The following CPLANE1 variants were observed in gnomAD, a reference collection of about 807,000 sequenced individuals.
CPLANE1 encodes ciliogenesis and planar polarity effector complex subunit 1.
CPLANE1 carries 263 observed loss-of-function variants against 362.5 expected under a neutral mutation model. The ratio of observed to expected loss-of-function variants is 0.73; its 90% CI spans 0.66 to 0.80. The LOEUF is 0.80. Among genes scored for constraint, CPLANE1 ranks in the 30% least tolerant of loss-of-function variants. The pLI is 0.00. For missense variants in CPLANE1, 3,461 were observed against 3,793.4 expected, an observed-to-expected ratio of 0.91 and a Z score of 2.30; for synonymous variants, 1,212 against 1,302.6, an observed-to-expected ratio of 0.93 and a Z score of 1.50.
rs569091312 is a variant in CPLANE1, at chr5:37,168,912, A to G, written c.7112T>C (p.Met2371Thr). The G allele has an allele frequency of 3.1e-6, 5 of 1,614,196 alleles. No homozygotes were observed. Among genetic ancestry groups the G allele is most frequent in the South Asian group, 1.1e-5 (1 of 91,088 alleles). ...AGATGCTCTTGAGGTTGATGGAAAC[A>G]TATTAGGAGGTTTAAGTGGCAGGTA... is the stretch of plus-strand genomic sequence containing the variant. ...LLYLPLKPPN[M>T]FPSTSRASIT... The change falls in exon 34 of 53, where the codon ATG (methionine) becomes ACG (threonine). Residue 2371 changes from methionine to threonine, a missense_variant. Coordinates refer to ENST00000651892, the MANE Select transcript of CPLANE1 (RefSeq NM_001384732.1).
At position 37,225,842 on chromosome 5, in the gene CPLANE1, T is replaced by C. The variant is rs996240969; in HGVS notation, c.2291+462A>G. On this transcript the variant is annotated intron_variant, in intron 12 of 52. Coordinates refer to ENST00000651892, the MANE Select transcript of CPLANE1 (RefSeq NM_001384732.1). ...CACTCCAGCCTGGGGGACAAGAGTGTACTCCATCTCAAAAAAAAAAAAAAA... is the reference window on the plus strand; with the variant it reads ...CACTCCAGCCTGGGGGACAAGAGTGCACTCCATCTCAAAAAAAAAAAAAAA... Among the ~76,000 whole-genome samples, 15 of 119,486 alleles carry C rather than the reference T, an allele frequency of 1.3e-4. No individual in the cohort carries two copies. In the Admixed American group the frequency reaches 1.3e-3, roughly 11 times the overall value. The allele number at this position is 119,486 out of a possible 152,430, so 78.4% of individuals were successfully genotyped here. A position where few individuals can be genotyped will look rare whatever the true frequency, so the allele number is the denominator to read the frequency against.
chr5:37,185,935 G>A (rs771612623), intron 24 of CPLANE1, among the ~76,000 whole-genome samples: 2 of 152,164 alleles, frequency 1.3e-5, no homozygotes, highest in Admixed American at 6.5e-5. Context: ...AGTACCATAT[G>A]CTCATTTTAT....
chr5:37,102,739 G>T (rs189731189), downstream of CPLANE1, among the ~76,000 whole-genome samples: 408 of 152,220 alleles, frequency 2.7e-3, 2 homozygotes, highest in African/African-American at 9.4e-3. Flanking sequence ...TCTTAATCTT[G>T]AGTTCTAACT....
chr5:37,108,423 C>T lies in CPLANE1; in HGVS notation c.9449G>A (p.Ser3150Asn). 1 of 1,614,196 alleles carries T rather than the reference C, an allele frequency of 6.2e-7. No individual in the cohort carries two copies. Among genetic ancestry groups the T allele is most frequent in the Non-Finnish European group, 8.5e-7 (1 of 1,180,028 alleles). Residue 3150 changes from serine to asparagine, a missense_variant, in exon 52 of 53, where the codon AGT becomes AAT. Physicochemically the swap from Ser to Asn is conservative, Grantham distance 46. Around this residue, in one of 2 missense-constraint regions of CPLANE1, gnomAD observed 81 missense variants for 127.3 expected, o/e 0.64. Coordinates refer to ENST00000651892, the MANE Select transcript of CPLANE1 (RefSeq NM_001384732.1). Reference sequence around the variant, plus strand: ...CTTGGTTTGAGGTGCAAGCCCAGCACTTCCATGTTTTTTTGTATGCTGCAG... The same window carrying T: ...CTTGGTTTGAGGTGCAAGCCCAGCATTTCCATGTTTTTTTGTATGCTGCAG... ...HSLQHTKKHG[S>N]AGLAPQTKQV...
rs1322888670 is a variant in CPLANE1 at position 37,167,058 on chromosome 5, G to A, written c.7389C>T (p.Asp2463=). The stretch of plus-strand genomic sequence containing the variant: ...CACTTAAGCCTTGCCTTTTTTTACT[G>A]TCCTTTCCTTGTCTTACTTCAGGTG... ...IEPPEVRQGK[D]SKKRQRRRAE... The change falls in exon 35 of 53, where the codon GAC becomes GAT. Residue 2463 remains aspartate, a synonymous_variant. Transcript: ENST00000651892. 1 of 1,609,354 alleles carries A rather than the reference G, an allele frequency of 6.2e-7. No individual in the cohort carries two copies. The highest frequency in any genetic ancestry group is 1.3e-5 in the African/African-American group (1 of 74,734).
In CPLANE1 at chr5:37,125,403, C is replaced by A; in HGVS notation, c.8799G>T (p.Gln2933His). The change falls in exon 47 of 53, where the codon CAG (glutamine) becomes CAT (histidine). Residue 2933 changes from glutamine to histidine, a missense_variant. Around this residue, in one of 2 missense-constraint regions of CPLANE1, gnomAD observed 3,380 missense variants for 3,666.1 expected, o/e 0.92. Transcript: ENST00000651892. ...TTTGTGAATGTCTGCCAGAATAATG[C>A]TGAATTCTGAGAAATTTAACAAGCA... ...TEQAMGTSRIQHYSGRHSQRT... is the reference protein window; with the variant it reads ...TEQAMGTSRIHHYSGRHSQRT... 1 of 1,612,168 alleles carries A rather than the reference C, an allele frequency of 6.2e-7. No homozygotes were observed. Among genetic ancestry groups the A allele is most frequent in the South Asian group, 1.1e-5 (1 of 90,728 alleles).
chr5:37,152,644 T>G (rs962965357), intron 42 of CPLANE1, among the ~76,000 whole-genome samples: 1 of 152,102 alleles, frequency 6.6e-6, no homozygotes, highest in Non-Finnish European at 1.5e-5. Context: ...ATCCCAACAC[T>G]TTTGGAGGCC....
chr5:37,105,736 G>T (rs113524208), downstream of CPLANE1, among the ~76,000 whole-genome samples: 2,102 of 152,242 alleles, frequency 0.014, 52 homozygotes, highest in African/African-American at 0.047. Flanking sequence ...ACAACCTAAA[G>T]AATGGGAGAA....
rs1774223413 is a variant in CPLANE1 at position 37,153,725 on chromosome 5, A to C, written c.8373+15T>G. On this transcript the variant is annotated intron_variant, in intron 42 of 52. Coordinates refer to ENST00000651892, the MANE Select transcript of CPLANE1 (RefSeq NM_001384732.1). Reference sequence around the variant, plus strand: ...TTCAGTAGCAAACAAAAAACTAAAAATAAAGGTAGTCTACCTTATCACAAT... The same window carrying C: ...TTCAGTAGCAAACAAAAAACTAAAACTAAAGGTAGTCTACCTTATCACAAT... The C allele has an allele frequency of 1.3e-6, 2 of 1,586,016 alleles. No homozygotes were observed. The highest frequency in any genetic ancestry group is 8.6e-7 in the Non-Finnish European group (1 of 1,160,888).
chr5:37,191,467 C>T (rs1053976711), intron 21 of CPLANE1, among the ~76,000 whole-genome samples: 7 of 151,970 alleles, frequency 4.6e-5, no homozygotes, highest in African/African-American at 1.7e-4. Context: ...GCTCAGGAGG[C>T]CAAGATCAGC....
intron 43 of CPLANE1, among the ~76,000 whole-genome samples, chr5:37,147,208 C>T (rs545520753): frequency 1.9e-4 from 29 of 152,220 alleles, no homozygotes; most frequent in African/African-American, 4.8e-4. Flanking sequence ...AATGTTTGGC[C>T]TCTTCAAATA....
intron 51 of CPLANE1, among the ~76,000 whole-genome samples, chr5:37,110,424 G>C (rs1758827441): frequency 6.6e-6 from 1 of 152,078 alleles, no homozygotes; most frequent in Non-Finnish European, 1.5e-5. Flanking sequence ...CATCATTCAA[G>C]ATCTTCACTC....
chr5:37,247,835 T>C, intron 1 of CPLANE1, 90 bp from the exon 2 acceptor site: 1 of 958,016 alleles, frequency 1.0e-6, no homozygotes, highest in Non-Finnish European at 1.5e-6. Flanking sequence ...TTTCGTTCTG[T>C]TGCCCCAGCT....
the CPLANE1 span, among the ~76,000 whole-genome samples, chr5:37,086,014 C>T: frequency 6.6e-6 from 1 of 151,046 alleles, no homozygotes; most frequent in Non-Finnish European, 1.5e-5. Context: ...CAATCCTAAA[C>T]ATATATGCAC....
chr5:37,168,466 T>C (rs767765219), intron 34 of CPLANE1, among the ~76,000 whole-genome samples: 7 of 152,102 alleles, frequency 4.6e-5, no homozygotes, highest in Non-Finnish European at 1.0e-4. Flanking sequence ...TCCAGTAAAT[T>C]CCAGTATTGA....
rs1277013685 is a variant in CPLANE1, at chr5:37,222,707, A to T, written c.2582-1219T>A. On this transcript the variant is annotated intron_variant, in intron 14 of 52. Coordinates refer to ENST00000651892, the MANE Select transcript of CPLANE1 (RefSeq NM_001384732.1). Reference sequence around the variant, plus strand: ...TGCTGCTCTTTTCATCCAGATGGACAATCCCCAAGTCAGAGAACTACACTA... The same window carrying T: ...TGCTGCTCTTTTCATCCAGATGGACTATCCCCAAGTCAGAGAACTACACTA... 2.0e-5 allele frequency among the ~76,000 whole-genome samples: 3 copies of T among 151,888 alleles called. No homozygotes were observed. The East Asian group carries it at 5.8e-4, about 29-fold the overall frequency.
chr5:37,161,179 C>T (rs745385082), intron 38 of CPLANE1, among the ~76,000 whole-genome samples: 1 of 152,136 alleles, frequency 6.6e-6, no homozygotes, highest in Non-Finnish European at 1.5e-5. Flanking sequence ...GTTTGCCATA[C>T]ATATAAATCA....
intron 40 of CPLANE1, 41 bp downstream of exon 40, chr5:37,157,629 C>T: frequency 6.4e-7 from 1 of 1,552,428 alleles, no homozygotes; most frequent in Middle Eastern, 1.8e-4. Flanking sequence ...TATTAAAGAA[C>T]TTTTCAAATT....
intron 20 of CPLANE1, among the ~76,000 whole-genome samples, chr5:37,196,856 C>T (rs150723398): frequency 2.0e-5 from 3 of 151,550 alleles, no homozygotes; most frequent in Admixed American, 6.6e-5. Flanking sequence ...ACCCGGGAGC[C>T]GGAGGTTGCG....
Sources: gnomAD v4.1 joint callset for allele counts (sites outside exome capture counted in the v4.1 genomes callset) on GRCh38, gnomAD v4.1.1 for gene constraint, gnomAD v4.1.1 regional missense constraint, MANE v1.5 for transcripts, NCBI Gene and HGNC (gene_info 2026-07-23, HGNC 2026-07-21) for gene names.